The following XIRP2 variants were observed in gnomAD, a reference collection of about 807,000 sequenced individuals.
The protein encoded by XIRP2 is xin actin-binding repeat-containing protein 2.
Under a neutral mutation model 277.0 loss-of-function variants are expected in XIRP2, and 236 were observed. The observed-to-expected ratio is 0.85, with a 90% CI of 0.77 to 0.95. XIRP2 has a LOEUF of 0.95. Ranked by LOEUF, XIRP2 falls within the 40% of genes least tolerant of loss-of-function variation. The pLI is 0.00. For missense variants in XIRP2, 4,640 were observed against 4,157.5 expected (o/e 1.12, Z -3.19); for synonymous variants, 1,490 against 1,416.5 (o/e 1.05, Z -1.17).
chr2:166,982,260 C>T (rs1247288743), intron 2 of XIRP2, among the ~76,000 whole-genome samples: 2 of 150,266 alleles, frequency 1.3e-5, no homozygotes, highest in African/African-American at 4.9e-5. Flanking sequence ...TTTCTAAGTG[C>T]ATCAGGTTTT....
chr2:167,246,456 C>T lies in XIRP2; in HGVS notation c.5064C>T (p.Asn1688=). 1 of 1,613,734 alleles carries T rather than the reference C, an allele frequency of 6.2e-7. No individual in the cohort carries two copies. Among genetic ancestry groups the T allele is most frequent in the Admixed American group, 1.7e-5 (1 of 59,988 alleles). ...LIQEDEKGDI[N]MTIYCLLHEN... is the part of the protein sequence containing the mutation. ...AGGAAGATGAAAAAGGAGATATTAACATGACTATCTATTGTCTTCTTCATG... is the reference window on the plus strand; with the variant it reads ...AGGAAGATGAAAAAGGAGATATTAATATGACTATCTATTGTCTTCTTCATG... The change falls in exon 9 of 11, where the codon AAC becomes AAT. Residue 1688 remains asparagine (N), a synonymous_variant. Transcript: ENST00000409195.
rs751179883 is a variant in XIRP2 at position 167,245,214 on chromosome 2, G to C, written c.3822G>C (p.Lys1274Asn). 6.2e-7 allele frequency: 1 copy of C among 1,613,692 alleles called. No homozygotes were observed. The highest frequency in any genetic ancestry group is 1.1e-5 in the South Asian group (1 of 91,060). ...ACATACAAGGTGGGGATGTAAGAAA[G>C]GGGTGCTTTATTTTTGAGACTTTTT... ...VTDIQGGDVR[K>N]GCFIFETFSL... The change falls in exon 9 of 11, where the codon AAG (lysine) becomes AAC (asparagine). Residue 1274 changes from lysine (K) to asparagine (N), a missense_variant. Physicochemically the swap from Lys to Asn is moderately conservative, Grantham distance 94 (BLOSUM62 0). Transcript: ENST00000409195.
chr2:167,107,722 T>C (rs1425100181), intron 2 of XIRP2, among the ~76,000 whole-genome samples: 1 of 151,748 alleles, frequency 6.6e-6, no homozygotes, highest in African/African-American at 2.4e-5. Flanking sequence ...TTGTCTGATT[T>C]TGGTATCAAT....
Position 167,248,279 on chromosome 2 carries a change from C to G in XIRP2, c.6887C>G (p.Pro2296Arg). Reference sequence around the variant, plus strand: ...CCCCTTCCACCTCCATCTCCACCTCCTCCACCACCTTCTAATGCATCATCT... The same window carrying G: ...CCCCTTCCACCTCCATCTCCACCTCGTCCACCACCTTCTAATGCATCATCT... ...ECPLPPPSPPPPPPSNASSEI... is the reference protein window; with the variant it reads ...ECPLPPPSPPRPPPSNASSEI... Residue 2296 changes from proline (P) to arginine (R), a missense_variant, in exon 9 of 11, where the codon CCT (proline) becomes CGT (arginine). Physicochemically the swap from Pro to Arg is moderately radical, Grantham distance 103. Coordinates refer to ENST00000409195, the MANE Select transcript of XIRP2 (RefSeq NM_152381.6). The G allele has an allele frequency of 6.2e-7, 1 of 1,613,766 alleles. No individual in the cohort carries two copies. Among genetic ancestry groups the G allele is most frequent in the Non-Finnish European group, 8.5e-7 (1 of 1,179,850 alleles).
At chr2:167,184,728 A>G (rs900103384) in intron 3 of XIRP2, 5 of 661,082 alleles carry the variant, frequency 7.6e-6, no homozygotes, top group Non-Finnish European at 1.4e-5. Flanking sequence ...TATCTCTGCA[A>G]TTGATGTCAC....
chr2:167,058,779 G>T (rs562085232), intron 2 of XIRP2, among the ~76,000 whole-genome samples: 1 of 152,174 alleles, frequency 6.6e-6, no homozygotes, highest in Non-Finnish European at 1.5e-5. Context: ...AGGTGGTCAC[G>T]TCTGGAATCA....
Position 167,244,633 on chromosome 2 carries a change from G to A in XIRP2, c.3241G>A (p.Glu1081Lys). 6.2e-7 allele frequency: 1 copy of A among 1,613,114 alleles called. No homozygotes were observed. The highest frequency in any genetic ancestry group is 2.2e-5 in the East Asian group (1 of 44,808). ...TGTGGAAGAAACAGAAAGTAAAACT[G>A]AACAAACTAGAGATATTGTTAAAGG... Reference protein sequence around the residue: ...SDVEETESKTEQTRDIVKGDV... With the variant: ...SDVEETESKTKQTRDIVKGDV... The change falls in exon 9 of 11, where the codon GAA becomes AAA. Residue 1081 changes from glutamate to lysine, a missense_variant. By Grantham distance (56) the Glu-to-Lys change is moderately conservative. Coordinates refer to ENST00000409195, the MANE Select transcript of XIRP2 (RefSeq NM_152381.6).
intron 2 of XIRP2, among the ~76,000 whole-genome samples, chr2:166,938,949 A>G (rs987621610): frequency 2.0e-5 from 3 of 152,088 alleles, no homozygotes; most frequent in African/African-American, 7.2e-5. Context: ...TGCTTGGTAG[A>G]TCTTCCTCCA....
chr2:166,963,958 T>A (rs1686362680), intron 2 of XIRP2, among the ~76,000 whole-genome samples: 1 of 151,766 alleles, frequency 6.6e-6, no homozygotes. Flanking sequence ...TGGTGTGTTC[T>A]AAAGTTAAAG....
Position 167,246,220 on chromosome 2 carries a change from G to A in XIRP2, c.4828G>A (p.Val1610Met). Residue 1610 changes from valine to methionine, a missense_variant, in exon 9 of 11, where the codon GTG becomes ATG. By Grantham distance (21) the Val-to-Met change is conservative (BLOSUM62 1). Transcript: ENST00000409195. ...CAGGGCTGATCTCAGAAATATAATGGTGAACCTACTTTCCAAAAGGGACTG... is the reference window on the plus strand; with the variant it reads ...CAGGGCTGATCTCAGAAATATAATGATGAACCTACTTTCCAAAAGGGACTG... ...IIRADLRNIMVNLLSKRDCTE... is the reference protein window; with the variant it reads ...IIRADLRNIMMNLLSKRDCTE... 3.7e-6 allele frequency: 6 copies of A among 1,613,312 alleles called. No homozygotes were observed. The highest frequency in any genetic ancestry group is 5.1e-6 in the Non-Finnish European group (6 of 1,179,712).
chr2:166,986,190 G>T (rs1318847359), intron 2 of XIRP2, among the ~76,000 whole-genome samples: 1 of 152,176 alleles, frequency 6.6e-6, no homozygotes. Flanking sequence ...ATGGTTAGAG[G>T]ATGGCTTTGG....
At chr2:167,160,918 T>C (rs1054124890) in intron 3 of XIRP2, among the ~76,000 whole-genome samples, 1 of 152,198 alleles carries the variant, frequency 6.6e-6, no homozygotes, top group African/African-American at 2.4e-5. Context: ...GCAAGTTAGT[T>C]ACTTCCTAGA....
intron 3 of XIRP2, among the ~76,000 whole-genome samples, chr2:167,177,176 C>A (rs1235696485): frequency 1.3e-5 from 2 of 152,168 alleles, no homozygotes; most frequent in East Asian, 3.8e-4. Context: ...TTATCTACAT[C>A]TATGGTAGCT....
At chr2:167,030,055 T>C (rs560641665) in intron 2 of XIRP2, among the ~76,000 whole-genome samples, 1 of 152,300 alleles carries the variant, frequency 6.6e-6, no homozygotes, top group Admixed American at 6.5e-5. Context: ...GGATCAGTGG[T>C]GATCTCCGCT....
intron 2 of XIRP2, among the ~76,000 whole-genome samples, chr2:167,120,085 C>T (rs952117250): frequency 2.6e-5 from 4 of 152,066 alleles, no homozygotes; most frequent in African/African-American, 4.8e-5. Flanking sequence ...ATTTTACCTC[C>T]GTCACGGTGG....
chr2:167,065,369 G>A (rs1689275315), intron 2 of XIRP2, among the ~76,000 whole-genome samples: 1 of 151,712 alleles, frequency 6.6e-6, no homozygotes, highest in Non-Finnish European at 1.5e-5. Flanking sequence ...TTTTGTTGAT[G>A]TTGTTTTGAG....
intron 2 of XIRP2, among the ~76,000 whole-genome samples, chr2:166,905,020 A>G (rs1345257531): frequency 6.6e-6 from 1 of 152,042 alleles, no homozygotes; most frequent in Non-Finnish European, 1.5e-5. Flanking sequence ...AAGAGATATG[A>G]AGTTATATTT....
Position 167,243,131 on chromosome 2 carries a change from TC to T in XIRP2, c.1740del (p.Phe581LeufsTer34). 1 of 1,614,122 alleles carries T rather than the reference TC, an allele frequency of 6.2e-7. No individual in the cohort carries two copies. The highest frequency in any genetic ancestry group is 8.5e-7 in the Non-Finnish European group (1 of 1,179,990). On this transcript the variant is annotated frameshift_variant, in exon 9 of 11. Transcript: ENST00000409195. LOFTEE classifies it high-confidence loss of function. ...GGAGAGGTGCAGTCCATTAGATGGA[TC>T]TTTGAGAATCAACCATTGGATTCCA... ...LKGEVQSIRW[I>X]FENQPLDSIN...
chr2:166,896,429 G>A (rs1684243311), intron 1 of XIRP2, among the ~76,000 whole-genome samples: 2 of 151,744 alleles, frequency 1.3e-5, no homozygotes, highest in African/African-American at 2.4e-5. Flanking sequence ...TGATGATCCT[G>A]ACCCTGTATA....
Sources: allele counts gnomAD v4.1 joint callset (sites outside exome capture counted in the v4.1 genomes callset), GRCh38; gene constraint gnomAD v4.1.1; transcripts MANE v1.5; gene names NCBI Gene and HGNC (gene_info 2026-07-23, HGNC 2026-07-21).